The following POU2F3 variants were observed in gnomAD, a reference collection of about 807,000 sequenced individuals.
The protein encoded by POU2F3 is POU domain, class 2, transcription factor 3.
POU2F3 carries 23 observed loss-of-function variants against 59.2 expected under a neutral mutation model. That is an observed-to-expected ratio of 0.39 (90% CI 0.28 to 0.55). The LOEUF (loss-of-function observed/expected upper bound fraction) is 0.55, where lower values mean the gene tolerates loss of function less well. Ranked by LOEUF, POU2F3 falls within the 20% of genes least tolerant of loss-of-function variation. The pLI, the probability that POU2F3 is intolerant of heterozygous loss-of-function variation, is 0.66. For missense variants in POU2F3, 473 were observed against 544.5 expected (o/e 0.87, Z 1.31); for synonymous variants, 190 against 214.6 (o/e 0.89, Z 1.00).
At chr11:120,311,084 G>A (rs1008657882) in intron 10 of POU2F3, among the ~76,000 whole-genome samples, 2 of 152,172 alleles carry the variant, frequency 1.3e-5, no homozygotes, top group Admixed American at 6.5e-5. Context: ...TGTGGAATGG[G>A]GCAGGGAGAG....
chr11:120,245,036 G>A (rs956638248), intron 1 of POU2F3, among the ~76,000 whole-genome samples: 1 of 152,006 alleles, frequency 6.6e-6, no homozygotes, highest in African/African-American at 2.4e-5. Flanking sequence ...TCTGGGGAGG[G>A]TTCCATAGAG....
Position 120,290,497 on chromosome 11 carries a change from C to T in POU2F3, c.133-7768C>T, listed in dbSNP as rs538933218. On this transcript the variant is annotated intron_variant, in intron 3 of 12. Transcript: ENST00000543440. ...TGAGTGGGAGGCCCAGTGCAGGTGC[C>T]TCACAGCATGGTACAGGCAGAAGGG... 7.2e-5 allele frequency among the ~76,000 whole-genome samples: 11 copies of T among 152,284 alleles called. No homozygotes were observed. The South Asian group carries it at 8.3e-4, about 11-fold the overall frequency.
chr11:120,236,850 C>G, upstream of POU2F3: 3 of 766,942 alleles, frequency 3.9e-6, no homozygotes, highest in East Asian at 2.7e-5. Flanking sequence ...CCCCAGCCTT[C>G]TAAGCCTCAG....
intron 2 of POU2F3, among the ~76,000 whole-genome samples, chr11:120,258,123 G>T (rs925425049): frequency 2.6e-5 from 4 of 152,186 alleles, no homozygotes; most frequent in Admixed American, 6.5e-5. Flanking sequence ...GCTGCACTAA[G>T]CACATCTTTG....
chr11:120,263,015 G>T (rs1939669208), intron 2 of POU2F3, among the ~76,000 whole-genome samples: 1 of 150,050 alleles, frequency 6.7e-6, no homozygotes, highest in African/African-American at 2.5e-5. Context: ...ATTTTGAGAT[G>T]GAGTCTCACT....
At chr11:120,280,406 G>A (rs1351475609) in intron 3 of POU2F3, among the ~76,000 whole-genome samples, 2 of 152,174 alleles carry the variant, frequency 1.3e-5, no homozygotes, top group African/African-American at 4.8e-5. Context: ...GCTGTGCCAG[G>A]CACTTTACAT....
chr11:120,298,363 G>A lies in POU2F3; in HGVS notation c.231G>A (p.Met77Ile), dbSNP rs1941250876. The change falls in exon 4 of 13, where the codon ATG becomes ATA. Residue 77 changes from methionine (M) to isoleucine (I), a missense_variant. Met to Ile is a conservative substitution (Grantham distance 10, BLOSUM62 1). Transcript: ENST00000543440. ...QGPAMMSGNQ[M>I]SGLNASPCQD... is the part of the protein sequence containing the mutation. ...CTGCCATGATGTCCGGAAACCAAATGTCTGGGCTAAATGCCAGCCCATGTC... is the reference window on the plus strand; with the variant it reads ...CTGCCATGATGTCCGGAAACCAAATATCTGGGCTAAATGCCAGCCCATGTC... The A allele has an allele frequency of 5.0e-6, 8 of 1,613,836 alleles. No homozygotes were observed. The highest frequency in any genetic ancestry group is 2.2e-5 in the East Asian group (1 of 44,850).
intron 10 of POU2F3, among the ~76,000 whole-genome samples, chr11:120,310,553 G>A (rs1941625103): frequency 6.6e-6 from 1 of 152,188 alleles, no homozygotes; most frequent in African/African-American, 2.4e-5. Context: ...AGTTTAGGGG[G>A]CAGGAAATAC....
chr11:120,317,148 T>G, intron 11 of POU2F3, 81 bp from the exon 12 acceptor site: 1 of 1,538,830 alleles, frequency 6.5e-7, no homozygotes, highest in Non-Finnish European at 9.0e-7. Flanking sequence ...CCAGGAAATT[T>G]GTGTCTGAGG....
At chr11:120,262,336 T>C (rs973185343) in intron 2 of POU2F3, among the ~76,000 whole-genome samples, 1 of 152,240 alleles carries the variant, frequency 6.6e-6, no homozygotes, top group African/African-American at 2.4e-5. Context: ...ATTTTCAATA[T>C]CTTTTTATTC....
At chr11:120,302,229 G>T in intron 5 of POU2F3, 57 bp from the exon 6 acceptor site, 1 of 1,474,426 alleles carries the variant, frequency 6.8e-7, no homozygotes, top group Non-Finnish European at 9.4e-7. Flanking sequence ...TAGCACATGT[G>T]TTTCAAATAG....
At chr11:120,261,262 G>T (rs1255370226) in intron 2 of POU2F3, 4 of 150,112 alleles carry the variant, frequency 2.7e-5, no homozygotes, top group African/African-American at 9.8e-5. Flanking sequence ...TGCTTTAAAA[G>T]CTCTTTCACT....
chr11:120,253,345 C>T (rs1939197885), intron 2 of POU2F3, among the ~76,000 whole-genome samples: 1 of 152,012 alleles, frequency 6.6e-6, no homozygotes, highest in Non-Finnish European at 1.5e-5. Flanking sequence ...CTGCAACCTC[C>T]ACCTCCCGGG....
chr11:120,288,226 G>A (rs913424123), intron 3 of POU2F3, among the ~76,000 whole-genome samples: 6 of 151,032 alleles, frequency 4.0e-5, no homozygotes, highest in Non-Finnish European at 8.8e-5. Flanking sequence ...CTGAGGGCAT[G>A]GTTGCTTTTA....
At chr11:120,305,234 T>A in intron 7 of POU2F3, 22 bp downstream of exon 7, 1 of 1,607,996 alleles carries the variant, frequency 6.2e-7, no homozygotes, top group Non-Finnish European at 8.5e-7. Flanking sequence ...GGGGAAAAGA[T>A]AGAAGAAGTC....
chr11:120,318,308 C>T, intron 12 of POU2F3, 45 bp from the exon 13 acceptor site: 2 of 1,547,668 alleles, frequency 1.3e-6, no homozygotes, highest in African/African-American at 2.7e-5. Flanking sequence ...CCATCTTACG[C>T]CATCACATTA....
At chr11:120,254,096 TA>T (rs1457918372) in intron 2 of POU2F3, 1 of 152,070 alleles carries the variant, frequency 6.6e-6, no homozygotes, top group Non-Finnish European at 1.5e-5. Flanking sequence ...AAGCTGGGAG[TA>T]AATCCTTTAT....
At chr11:120,299,515 G>A in intron 4 of POU2F3, 109 bp from the exon 5 acceptor site, 1 of 895,362 alleles carries the variant, frequency 1.1e-6, no homozygotes, top group Non-Finnish European at 1.7e-6. Flanking sequence ...AGGTCAGCCT[G>A]CAAAGTCTCT....
chr11:120,318,270 T>C, intron 12 of POU2F3, 83 bp from the exon 13 acceptor site: 1 of 1,354,328 alleles, frequency 7.4e-7, no homozygotes, highest in Non-Finnish European at 1.1e-6. Context: ...CAAAAGCCCC[T>C]GTACCTGCTA....
Sources: allele counts gnomAD v4.1 joint callset (sites outside exome capture counted in the v4.1 genomes callset), GRCh38; gene constraint gnomAD v4.1.1; transcripts MANE v1.5; gene names NCBI Gene and HGNC (gene_info 2026-07-23, HGNC 2026-07-21).